JRK: variants seen among roughly 807,000 people sequenced by gnomAD.
The protein encoded by JRK is jerky protein homolog.
For missense variants in JRK, 720 were observed against 509.2 expected, an observed-to-expected ratio of 1.41 and a Z score of -3.98; for synonymous variants, 303 against 218.1, an observed-to-expected ratio of 1.39 and a Z score of -3.43.
At position 142,662,224 on chromosome 8, in the gene JRK, C is replaced by T; in HGVS notation, c.*2128G>A. ...ATCAAGAACGGGAAGAGCTCAGGTC[C>T]TGAAGAGCTACAGTCTGACAGGGAC... is the stretch of plus-strand genomic sequence containing the variant. On this transcript the variant is annotated 3_prime_UTR_variant, in exon 2 of 2. Transcript: ENST00000612905. 2 of 985,546 alleles carry T rather than the reference C, an allele frequency of 2.0e-6. No individual in the cohort carries two copies. Among genetic ancestry groups the T allele is most frequent in the South Asian group, 9.4e-5 (2 of 21,286 alleles). The allele number at this position is 985,546 out of a possible 1,614,324, so 61.1% of individuals were successfully genotyped here.
rs2129770629 is a variant in JRK at position 142,665,319 on chromosome 8, A to G, written c.740T>C (p.Ile247Thr). ...KCSGPRAFKG[I>T]QHLPVAYKAQ... is the part of the protein sequence containing the mutation. ...CTTATAGGCGACGGGCAGGTGCTGG[A>G]TGCCTTTGAAAGCCCTGGGACCGCT... Residue 247 changes from isoleucine (I) to threonine (T), a missense_variant, in exon 2 of 2, where the codon ATC becomes ACC. Coordinates refer to ENST00000612905, the MANE Select transcript of JRK (RefSeq NM_003724.4). The G allele has an allele frequency of 1.4e-6, 1 of 717,684 alleles. No individual in the cohort carries two copies. Among genetic ancestry groups the G allele is most frequent in the Middle Eastern group, 2.3e-4 (1 of 4,372 alleles). The allele number at this position is 717,684 out of a possible 1,614,324, so 44.5% of individuals were successfully genotyped here.
chr8:142,662,345 T>G lies in JRK; in HGVS notation c.*2007A>C. The G allele has an allele frequency of 1.0e-6, 1 of 985,594 alleles. No homozygotes were observed. Among genetic ancestry groups the G allele is most frequent in the Non-Finnish European group, 1.2e-6 (1 of 830,060 alleles). The allele number at this position is 985,594 out of a possible 1,614,324, so 61.1% of individuals were successfully genotyped here. The stretch of plus-strand genomic sequence containing the variant: ...GCTCCACCCACCCAGGATGTCCTAC[T>G]GTTTCAGAGCCCTCGGGACATGTTC... On this transcript the variant is annotated 3_prime_UTR_variant, in exon 2 of 2. Coordinates refer to ENST00000612905, the MANE Select transcript of JRK (RefSeq NM_003724.4).
chr8:142,655,614 G>A (rs905606293), downstream of JRK, among the ~76,000 whole-genome samples: 2 of 140,826 alleles, frequency 1.4e-5, no homozygotes, highest in South Asian at 4.5e-4. Flanking sequence ...ACTCCAAACT[G>A]TGTCCCTGAC....
rs1241092841 is a variant in JRK at position 142,659,797 on chromosome 8, A to T, written c.*4555T>A. On this transcript the variant is annotated 3_prime_UTR_variant, in exon 2 of 2. Transcript: ENST00000612905. Reference sequence around the variant, plus strand: ...AGTGGAGAACGTGAGGCTGGTCATTAGGAGCAGGTAGCCCTGGGTCTCCCT... The same window carrying T: ...AGTGGAGAACGTGAGGCTGGTCATTTGGAGCAGGTAGCCCTGGGTCTCCCT... 67 of 985,476 alleles carry T rather than the reference A, an allele frequency of 6.8e-5. No individual in the cohort carries two copies. Among genetic ancestry groups the T allele is most frequent in the Non-Finnish European group, 7.7e-5 (64 of 830,034 alleles). 61.0% of individuals were successfully genotyped at this position (985,476 alleles called of 1,614,324 possible).
chr8:142,662,268 T>G lies in JRK; in HGVS notation c.*2084A>C, dbSNP rs1258703109. 1.0e-6 allele frequency: 1 copy of G among 985,604 alleles called. No individual in the cohort carries two copies. Among genetic ancestry groups the G allele is most frequent in the African/African-American group, 1.7e-5 (1 of 57,254 alleles). 61.1% of individuals were successfully genotyped at this position (985,604 alleles called of 1,614,324 possible). A position where few individuals can be genotyped will look rare whatever the true frequency, so the allele number is the denominator to read the frequency against. The stretch of plus-strand genomic sequence containing the variant: ...CAGGGACAAGCCATGTCCAGAGGAC[T>G]CAGGAGAGCCAGCCAGGAGCTCGGC... On this transcript the variant is annotated 3_prime_UTR_variant, in exon 2 of 2. Transcript: ENST00000612905.
chr8:142,650,814 A>G, the JRK span, among the ~76,000 whole-genome samples: 1 of 152,222 alleles, frequency 6.6e-6, no homozygotes, highest in Admixed American at 6.5e-5. Flanking sequence ...TCCTTAAAAA[A>G]CAAGGGTAGT....
downstream of JRK, among the ~76,000 whole-genome samples, chr8:142,656,770 G>A (rs587755998): frequency 1.1e-4 from 16 of 152,268 alleles, no homozygotes; most frequent in East Asian, 2.7e-3. Flanking sequence ...TGGGGACAAC[G>A]CTGTATCTCC....
intron 1 of JRK, among the ~76,000 whole-genome samples, chr8:142,669,079 G>A (rs1454556225): frequency 4.6e-5 from 7 of 152,096 alleles, no homozygotes; most frequent in Non-Finnish European, 8.8e-5. Context: ...AGGGGCCAGC[G>A]CTGGGGCTGA....
In JRK at chr8:142,660,895, C is replaced by G; in HGVS notation, c.*3457G>C. The G allele has an allele frequency of 1.0e-6, 1 of 985,618 alleles. No individual in the cohort carries two copies. The highest frequency in any genetic ancestry group is 4.7e-5 in the South Asian group (1 of 21,286). 61.1% of individuals were successfully genotyped at this position (985,618 alleles called of 1,614,324 possible). ...ACATCCAGCCACTGGGACCCTGAACCTCCTCCAAATGGACTTTAACTGGGG... is the reference window on the plus strand; with the variant it reads ...ACATCCAGCCACTGGGACCCTGAACGTCCTCCAAATGGACTTTAACTGGGG... On this transcript the variant is annotated 3_prime_UTR_variant, in exon 2 of 2. Coordinates refer to ENST00000612905, the MANE Select transcript of JRK (RefSeq NM_003724.4).
At position 142,661,113 on chromosome 8, in the gene JRK, A is replaced by G. The variant is rs1846901967; in HGVS notation, c.*3239T>C. ...GCTCAGCCATGGCTGAGCACGAATG[A>G]AGCATATGGAAGTCACGCACAGACA... On this transcript the variant is annotated 3_prime_UTR_variant, in exon 2 of 2. Transcript: ENST00000612905. 1 of 985,360 alleles carries G rather than the reference A, an allele frequency of 1.0e-6. No homozygotes were observed. Among genetic ancestry groups the G allele is most frequent in the South Asian group, 4.7e-5 (1 of 21,292 alleles). 61.0% of individuals were successfully genotyped at this position (985,360 alleles called of 1,614,324 possible). A position where few individuals can be genotyped will look rare whatever the true frequency, so the allele number is the denominator to read the frequency against.
intron 1 of JRK, among the ~76,000 whole-genome samples, chr8:142,667,738 G>C (rs782227548): frequency 1.3e-5 from 2 of 152,154 alleles, no homozygotes; most frequent in Non-Finnish European, 2.9e-5. Flanking sequence ...AAATGTCACA[G>C]CTCTAACCAA....
rs1025894114 is a variant in JRK at position 142,663,874 on chromosome 8, G to A, written c.*478C>T. 4.8e-5 allele frequency: 47 copies of A among 989,240 alleles called. No homozygotes were observed. Among genetic ancestry groups the A allele is most frequent in the Middle Eastern group, 5.1e-4 (1 of 1,948 alleles). 61.3% of individuals were successfully genotyped at this position (989,240 alleles called of 1,614,324 possible). ...ACCGTGCTCGGGGTCCACCCAACAC[G>A]GGGATGGCCGCCAGCCCAGCAGATA... On this transcript the variant is annotated 3_prime_UTR_variant, in exon 2 of 2. Coordinates refer to ENST00000612905, the MANE Select transcript of JRK (RefSeq NM_003724.4).
At chr8:142,643,713 G>C in the JRK span, among the ~76,000 whole-genome samples, 1 of 152,186 alleles carries the variant, frequency 6.6e-6, no homozygotes, top group African/African-American at 2.4e-5. Flanking sequence ...GGCTCTGTAA[G>C]TCAAGTTTGA....
the JRK span, among the ~76,000 whole-genome samples, chr8:142,649,841 C>T: frequency 2.6e-5 from 4 of 152,252 alleles, no homozygotes; most frequent in Non-Finnish European, 5.9e-5. Flanking sequence ...CCCACTGGGG[C>T]ACTGCCTAGT....
chr8:142,660,938 T>A lies in JRK; in HGVS notation c.*3414A>T, dbSNP rs1846895077. 1.0e-6 allele frequency: 1 copy of A among 985,312 alleles called. No homozygotes were observed. Among genetic ancestry groups the A allele is most frequent in the African/African-American group, 1.7e-5 (1 of 57,228 alleles). The allele number at this position is 985,312 out of a possible 1,614,324, so 61.0% of individuals were successfully genotyped here. A position where few individuals can be genotyped will look rare whatever the true frequency, so the allele number is the denominator to read the frequency against. On this transcript the variant is annotated 3_prime_UTR_variant, in exon 2 of 2. Transcript: ENST00000612905. ...AACTGGGGACAACTGATGACAGTCC[T>A]CCAACCCCAGCGAGCTGGGGAAGCC...
Position 142,665,967 on chromosome 8 carries a change from C to T in JRK, c.92G>A (p.Arg31His), listed in dbSNP as rs782225462. Residue 31 changes from arginine to histidine, a missense_variant, in exon 2 of 2, where the codon CGC becomes CAC. Arg to His is a conservative substitution (Grantham distance 29, BLOSUM62 0). Coordinates refer to ENST00000612905, the MANE Select transcript of JRK (RefSeq NM_003724.4). Reference sequence around the variant, plus strand: ...CTTCCGGCTCTCGCCCTTCTCCAGGCGCGTGCAGATGTCAATCTTCTCCTT... The same window carrying T: ...CTTCCGGCTCTCGCCCTTCTCCAGGTGCGTGCAGATGTCAATCTTCTCCTT... ...TLKEKIDICT[R>H]LEKGESRKAL... The T allele has an allele frequency of 7.7e-6, 8 of 1,037,412 alleles. No homozygotes were observed. Among genetic ancestry groups the T allele is most frequent in the East Asian group, 2.4e-5 (1 of 42,292 alleles). 64.3% of individuals were successfully genotyped at this position (1,037,412 alleles called of 1,614,324 possible).
chr8:142,662,597 A>G lies in JRK; in HGVS notation c.*1755T>C, dbSNP rs1333343066. 2 of 985,310 alleles carry G rather than the reference A, an allele frequency of 2.0e-6. No individual in the cohort carries two copies. Among genetic ancestry groups the G allele is most frequent in the African/African-American group, 1.7e-5 (1 of 57,212 alleles). 61.0% of individuals were successfully genotyped at this position (985,310 alleles called of 1,614,324 possible). ...CTTTAAAAACTATTTGGCTTTTATA[A>G]TCTTCACACATGCATTCAAAGCAAG... On this transcript the variant is annotated 3_prime_UTR_variant, in exon 2 of 2. Transcript: ENST00000612905.
Position 142,662,212 on chromosome 8 carries a change from A to C in JRK, c.*2140T>G. 1.0e-6 allele frequency: 1 copy of C among 985,574 alleles called. No individual in the cohort carries two copies. Among genetic ancestry groups the C allele is most frequent in the East Asian group, 1.1e-4 (1 of 8,810 alleles). 61.1% of individuals were successfully genotyped at this position (985,574 alleles called of 1,614,324 possible). On this transcript the variant is annotated 3_prime_UTR_variant, in exon 2 of 2. Transcript: ENST00000612905. ...GCACAAGAGCAGATCAAGAACGGGA[A>C]GAGCTCAGGTCCTGAAGAGCTACAG...
rs1367130188 is a variant in JRK at position 142,658,603 on chromosome 8, C to T, written c.*5749G>A. On this transcript the variant is annotated 3_prime_UTR_variant, in exon 2 of 2. Coordinates refer to ENST00000612905, the MANE Select transcript of JRK (RefSeq NM_003724.4). ...TCCTTTTCTTATAAGGACTCGATCTCATCGGCGAGCCCCACCCTCACGATC... is the reference window on the plus strand; with the variant it reads ...TCCTTTTCTTATAAGGACTCGATCTTATCGGCGAGCCCCACCCTCACGATC... 7.9e-6 allele frequency: 3 copies of T among 377,980 alleles called. No homozygotes were observed. Among genetic ancestry groups the T allele is most frequent in the African/African-American group, 6.2e-5 (3 of 48,602 alleles). 23.4% of individuals were successfully genotyped at this position (377,980 alleles called of 1,614,324 possible). A position where few individuals can be genotyped will look rare whatever the true frequency, so the allele number is the denominator to read the frequency against.
Sources: allele counts gnomAD v4.1 joint callset (sites outside exome capture counted in the v4.1 genomes callset), GRCh38; gene constraint gnomAD v4.1.1; transcripts MANE v1.5; gene names NCBI Gene and HGNC (gene_info 2026-07-23, HGNC 2026-07-21).